PGM1: variants seen among roughly 807,000 people sequenced by gnomAD.
The protein encoded by PGM1 is phosphoglucomutase-1.
In PGM1, 52 loss-of-function variants were observed where a neutral mutation model predicts 55.6. The observed-to-expected ratio is 0.94, with a 90% confidence interval of 0.75 to 1.18. The LOEUF (loss-of-function observed/expected upper bound fraction) is 1.18. Among genes scored for constraint, PGM1 ranks in the 50% most tolerant of loss-of-function variants. The probability of loss-of-function intolerance (pLI) is 0.00; values close to 1 mark genes in which losing one functional copy is unlikely to be tolerated. For synonymous variants in PGM1, 287 were observed against 271.7 expected, an observed-to-expected ratio of 1.06 and a Z score of -0.55; for missense variants, 724 against 729.3, an observed-to-expected ratio of 0.99 and a Z score of 0.08.
chr1:63,633,810 G>T (rs1191142313), intron 4 of PGM1, among the ~76,000 whole-genome samples: 6 of 149,766 alleles, frequency 4.0e-5, no homozygotes, highest in African/African-American at 1.5e-4. Context: ...TGGGATTACA[G>T]GCGCCCGCCA....
At chr1:63,594,971 A>AAAAAG (rs566701143) in intron 1 of PGM1, among the ~76,000 whole-genome samples, 20,505 of 146,900 alleles carry the variant, frequency 0.14, 2,087 homozygotes, top group South Asian at 0.21. Context: ...AAAAAAAAAA[A>AAAAAG]AAAAGAAAAA....
At chr1:63,626,346 C>T (rs1463984318) in intron 1 of PGM1, among the ~76,000 whole-genome samples, 1 of 152,176 alleles carries the variant, frequency 6.6e-6, no homozygotes, top group Non-Finnish European at 1.5e-5. Flanking sequence ...CATACAGAAA[C>T]TCTGTACCCG....
At chr1:63,628,004 A>G (rs1412648072) in intron 1 of PGM1, among the ~76,000 whole-genome samples, 1 of 152,088 alleles carries the variant, frequency 6.6e-6, no homozygotes, top group East Asian at 1.9e-4. Flanking sequence ...CTTTCCATTA[A>G]TGCTTGTTAT....
intron 4 of PGM1, among the ~76,000 whole-genome samples, chr1:63,634,480 T>C (rs1363869551): frequency 1.3e-5 from 2 of 152,202 alleles, no homozygotes; most frequent in African/African-American, 4.8e-5. Flanking sequence ...GTCCAGGCTC[T>C]TAAGCTCTAA....
chr1:63,620,548 C>T (rs2301060), intron 1 of PGM1, among the ~76,000 whole-genome samples: 65,305 of 152,054 alleles, frequency 0.43, 15,470 homozygotes, highest in East Asian at 0.62. Context: ...CCAGCCCTCA[C>T]ATGGGGCCTG....
intron 1 of PGM1, among the ~76,000 whole-genome samples, chr1:63,625,829 A>G (rs902150621): frequency 6.6e-6 from 1 of 152,154 alleles, no homozygotes; most frequent in African/African-American, 2.4e-5. Flanking sequence ...ATTGCACAAA[A>G]TAAGATATTG....
chr1:63,656,309 G>A (rs536347962), intron 10 of PGM1, among the ~76,000 whole-genome samples: 1 of 152,126 alleles, frequency 6.6e-6, no homozygotes, highest in African/African-American at 2.4e-5. Flanking sequence ...GGAGAAAAGG[G>A]AACCATCAGA....
chr1:63,648,772 C>G (rs1226427435), intron 8 of PGM1, 120 bp downstream of exon 8: 4 of 1,066,608 alleles, frequency 3.8e-6, no homozygotes, highest in South Asian at 1.3e-5. Flanking sequence ...TCCAGCCTCT[C>G]TCAATTGGAG....
intron 5 of PGM1, 57 bp from the exon 6 acceptor site, chr1:63,636,177 T>A: frequency 6.6e-7 from 1 of 1,509,564 alleles, no homozygotes; most frequent in Non-Finnish European, 9.2e-7. Context: ...TGAAAGATAG[T>A]TTGATTTCTT....
intron 3 of PGM1, 74 bp downstream of exon 3, chr1:63,630,162 A>G (rs2100982508): frequency 7.1e-7 from 1 of 1,400,712 alleles, no homozygotes. Flanking sequence ...ACGTTTTAGT[A>G]GAGGGTCTTC....
chr1:63,644,121 C>G (rs967183258), intron 7 of PGM1, among the ~76,000 whole-genome samples: 2 of 152,206 alleles, frequency 1.3e-5, no homozygotes, highest in Non-Finnish European at 2.9e-5. Context: ...TTGGCTCCCT[C>G]AGGAATGGTT....
chr1:63,656,643 C>T (rs2101005368), intron 10 of PGM1, among the ~76,000 whole-genome samples: 1 of 150,670 alleles, frequency 6.6e-6, no homozygotes, highest in East Asian at 2.0e-4. Context: ...CTTAAAACAA[C>T]AAAAACCAAA....
At chr1:63,650,283 T>C (rs1430591218) in intron 8 of PGM1, among the ~76,000 whole-genome samples, 2 of 152,210 alleles carry the variant, frequency 1.3e-5, no homozygotes, top group African/African-American at 4.8e-5. Flanking sequence ...GCTGGCCCTG[T>C]AGTCACACAA....
chr1:63,603,318 C>T (rs1210241645), intron 1 of PGM1, among the ~76,000 whole-genome samples: 1 of 152,212 alleles, frequency 6.6e-6, no homozygotes, highest in African/African-American at 2.4e-5. Context: ...CAGGTTCCCA[C>T]TGAGAGTGGC....
At chr1:63,615,188 G>A (rs137964940) in intron 1 of PGM1, among the ~76,000 whole-genome samples, 27 of 152,280 alleles carry the variant, frequency 1.8e-4, no homozygotes, top group Non-Finnish European at 3.2e-4. Flanking sequence ...ACCTGCTTTC[G>A]AGATCAGGGG....
chr1:63,606,674 AT>A (rs1648427894), intron 1 of PGM1, among the ~76,000 whole-genome samples: 1 of 152,256 alleles, frequency 6.6e-6, no homozygotes, highest in South Asian at 2.1e-4. Context: ...TATCAGTCTT[AT>A]TCTGGGTGTC....
chr1:63,607,646 G>A (rs1004296427), intron 1 of PGM1, among the ~76,000 whole-genome samples: 9 of 152,164 alleles, frequency 5.9e-5, no homozygotes, highest in African/African-American at 1.7e-4. Context: ...CTTCATTTTC[G>A]TGAGGGTAAG....
rs72922609 is a variant in PGM1 at position 63,648,510 on chromosome 1, C to A, written c.1145-7C>A. 6 of 1,613,920 alleles carry A rather than the reference C, an allele frequency of 3.7e-6. No homozygotes were observed. The African/African-American group carries it at 4.0e-5, about 11-fold the overall frequency. On this transcript the variant is annotated splice_polypyrimidine_tract_variant and splice_region_variant and intron_variant, in intron 7 of 10. Coordinates refer to ENST00000371084, the MANE Select transcript of PGM1 (RefSeq NM_002633.3). ...TTTCTTACAGCAGCTTGCTGTCCCC[C>A]CTCCAGGTTCTGACCACATCCGTGA...
intron 7 of PGM1, among the ~76,000 whole-genome samples, chr1:63,643,221 A>T (rs998802214): frequency 1.1e-4 from 16 of 152,352 alleles, no homozygotes; most frequent in African/African-American, 3.4e-4. Context: ...TACCCTAATT[A>T]TAACTCACTC....
Sources: gnomAD v4.1 joint callset for allele counts (sites outside exome capture counted in the v4.1 genomes callset) on GRCh38, gnomAD v4.1.1 for gene constraint, MANE v1.5 for transcripts, NCBI Gene and HGNC (gene_info 2026-07-23, HGNC 2026-07-21) for gene names.